Variants in GRM5 observed in about 807,000 individuals in gnomAD.
GRM5 encodes glutamate metabotropic receptor 5.
Under a neutral mutation model 83.1 loss-of-function variants are expected in GRM5, and 19 were observed. That is an observed-to-expected ratio of 0.23 (90% CI 0.16 to 0.34). The LOEUF (loss-of-function observed/expected upper bound fraction) is 0.34. GRM5 is among the 10% of genes least tolerant of loss of function. GRM5 has a pLI of 1.00. For missense variants in GRM5, 1,160 were observed against 1,588.3 expected (o/e 0.73, Z 4.58); for synonymous variants, 675 against 633.6 (o/e 1.07, Z -0.98).
intron 4 of GRM5, among the ~76,000 whole-genome samples, chr11:88,652,286 CA>C (rs534857489): frequency 1.3e-5 from 2 of 150,300 alleles, no homozygotes; most frequent in African/African-American, 2.4e-5. Flanking sequence ...AAGTCAGTTC[CA>C]AAAAAAAATC....
intron 2 of GRM5, among the ~76,000 whole-genome samples, chr11:88,936,113 A>G (rs1400395264): frequency 6.6e-6 from 1 of 151,850 alleles, no homozygotes; most frequent in Admixed American, 6.6e-5. Flanking sequence ...CAGGTGTGAA[A>G]AGTGTGTCAG....
rs910349300 is a variant in GRM5, at chr11:88,677,496, G to A, written c.912-24093C>T. 2.1e-4 allele frequency among the ~76,000 whole-genome samples: 32 copies of A among 152,202 alleles called. 1 individual carries two copies. The highest frequency in any genetic ancestry group is 7.5e-4 in the African/African-American group (31 of 41,544). On this transcript the variant is annotated intron_variant, in intron 3 of 9. Transcript: ENST00000305447. ...CAATAGCATATGAGGTTGTAAGGCT[G>A]GTGATTGCTACAGTGATTCTTCTAC... is the stretch of plus-strand genomic sequence containing the variant.
At chr11:88,703,009 A>C (rs552433342) in intron 3 of GRM5, among the ~76,000 whole-genome samples, 1 of 152,100 alleles carries the variant, frequency 6.6e-6, no homozygotes, top group Non-Finnish European at 1.5e-5. Flanking sequence ...CTAGCAAACT[A>C]ATACCTAAGC....
intron 2 of GRM5, among the ~76,000 whole-genome samples, chr11:88,977,983 C>A (rs1202414316): frequency 6.6e-6 from 1 of 152,198 alleles, no homozygotes; most frequent in Admixed American, 6.5e-5. Flanking sequence ...TTCAGCATTT[C>A]TGCTTATACA....
At chr11:88,882,958 C>T (rs1410114635) in intron 2 of GRM5, among the ~76,000 whole-genome samples, 2 of 152,162 alleles carry the variant, frequency 1.3e-5, no homozygotes, top group Non-Finnish European at 2.9e-5. Flanking sequence ...GCTCTCTCTC[C>T]TGCCTGCCAA....
At chr11:88,878,010 A>C (rs1944889452) in intron 2 of GRM5, among the ~76,000 whole-genome samples, 1 of 152,134 alleles carries the variant, frequency 6.6e-6, no homozygotes, top group Non-Finnish European at 1.5e-5. Flanking sequence ...TATAATAATA[A>C]AAAAAGAAGG....
At chr11:88,647,244 CTA>C (rs1181452542) in intron 4 of GRM5, among the ~76,000 whole-genome samples, 3 of 151,976 alleles carry the variant, frequency 2.0e-5, no homozygotes, top group Admixed American at 6.6e-5. Context: ...TGCAATGAGC[CTA>C]TTTCTAAAGA....
chr11:89,016,134 C>A (rs958047241), intron 2 of GRM5, among the ~76,000 whole-genome samples: 2 of 151,224 alleles, frequency 1.3e-5, no homozygotes, highest in Admixed American at 6.6e-5. Context: ...GTAAAACTAA[C>A]TAAACACATG....
intron 2 of GRM5, among the ~76,000 whole-genome samples, chr11:88,949,507 T>C (rs1398003628): frequency 6.6e-6 from 1 of 152,198 alleles, no homozygotes; most frequent in African/African-American, 2.4e-5. Flanking sequence ...AACCATGAAA[T>C]ATTATCCTAG....
At chr11:88,787,561 C>A (rs940538070) in intron 3 of GRM5, among the ~76,000 whole-genome samples, 2 of 151,826 alleles carry the variant, frequency 1.3e-5, no homozygotes, top group African/African-American at 4.8e-5. Flanking sequence ...CTGTGTAGTG[C>A]GTGAATAGGA....
chr11:88,750,202 G>A (rs1428536117), intron 3 of GRM5, among the ~76,000 whole-genome samples: 3 of 152,086 alleles, frequency 2.0e-5, no homozygotes, highest in Non-Finnish European at 4.4e-5. Flanking sequence ...CATCTCACAT[G>A]CAAAGACACA....
At chr11:88,631,353 C>A (rs1938964815) in intron 4 of GRM5, among the ~76,000 whole-genome samples, 1 of 152,132 alleles carries the variant, frequency 6.6e-6, no homozygotes, top group South Asian at 2.1e-4. Context: ...TGTAAATCAT[C>A]ATTCCTAGCC....
chr11:88,666,920 G>T (rs933928811), intron 3 of GRM5, among the ~76,000 whole-genome samples: 1 of 151,984 alleles, frequency 6.6e-6, no homozygotes, highest in African/African-American at 2.4e-5. Flanking sequence ...TAAAGAAAAA[G>T]AATGAAATGA....
intron 2 of GRM5, among the ~76,000 whole-genome samples, chr11:88,904,659 A>C (rs2135599293): frequency 6.6e-6 from 1 of 152,294 alleles, no homozygotes; most frequent in African/African-American, 2.4e-5. Context: ...CTACAGATAC[A>C]ATGTGTATCT....
At chr11:88,950,724 C>T (rs1489045115) in intron 2 of GRM5, among the ~76,000 whole-genome samples, 3 of 152,130 alleles carry the variant, frequency 2.0e-5, no homozygotes, top group African/African-American at 7.2e-5. Flanking sequence ...TGCAAGAAAA[C>T]GCTCTCCTTC....
At chr11:88,776,890 C>T (rs1942865165) in intron 3 of GRM5, among the ~76,000 whole-genome samples, 1 of 152,156 alleles carries the variant, frequency 6.6e-6, no homozygotes, top group Non-Finnish European at 1.5e-5. Flanking sequence ...TTCATTTCAA[C>T]CTTGGCAAAT....
At chr11:88,932,429 CAT>C (rs1937747083) in intron 2 of GRM5, among the ~76,000 whole-genome samples, 1 of 151,918 alleles carries the variant, frequency 6.6e-6, no homozygotes, top group Admixed American at 6.6e-5. Context: ...TGTATATGCA[CAT>C]AGTTAGCTAG....
chr11:88,782,074 T>C (rs1942985781), intron 3 of GRM5, among the ~76,000 whole-genome samples: 1 of 152,122 alleles, frequency 6.6e-6, no homozygotes, highest in Non-Finnish European at 1.5e-5. Context: ...TTTGTTACTG[T>C]ATTGCATGGT....
intron 2 of GRM5, among the ~76,000 whole-genome samples, chr11:88,886,192 T>C (rs913374085): frequency 2.0e-5 from 3 of 152,200 alleles, no homozygotes; most frequent in African/African-American, 7.2e-5. Flanking sequence ...TTCTCTTCTC[T>C]TCGGCCTATT....
Sources: gnomAD v4.1 joint callset for allele counts (sites outside exome capture counted in the v4.1 genomes callset) on GRCh38, gnomAD v4.1.1 for gene constraint, MANE v1.5 for transcripts, NCBI Gene and HGNC (gene_info 2026-07-23, HGNC 2026-07-21) for gene names.